Variants in XDH observed in about 807,000 individuals in gnomAD.
XDH encodes xanthine dehydrogenase/oxidase.
XDH carries 138 observed loss-of-function variants against 156.1 expected under a neutral mutation model. That is an observed-to-expected ratio of 0.88 (90% confidence interval 0.77 to 1.02). The LOEUF (loss-of-function observed/expected upper bound fraction) is 1.02, where lower values mean the gene tolerates loss of function less well. Among genes scored for constraint, XDH ranks in the 50% least tolerant of loss-of-function variants. The pLI, the probability that XDH is intolerant of heterozygous loss-of-function variation, is 0.00. For synonymous variants in XDH, 669 were observed against 625.7 expected (o/e 1.07, Z -1.03); for missense variants, 1,849 against 1,684.9 (o/e 1.10, Z -1.71).
At chr2:31,387,325 T>TG (rs1686638123) in intron 8 of XDH, among the ~76,000 whole-genome samples, 2 of 152,012 alleles carry the variant, frequency 1.3e-5, no homozygotes, top group African/African-American at 4.8e-5. Flanking sequence ...ATAAAGTGGG[T>TG]GTGAGGGGGT....
At chr2:31,375,614 A>T in intron 14 of XDH, 60 bp from the exon 15 acceptor site, 1 of 1,579,070 alleles carries the variant, frequency 6.3e-7, no homozygotes. Flanking sequence ...CCCTTTGTGT[A>T]GAGCTGTGTG....
At chr2:31,343,513 T>C (rs1685194539) in intron 31 of XDH, among the ~76,000 whole-genome samples, 1 of 108,966 alleles carries the variant, frequency 9.2e-6, no homozygotes, top group Non-Finnish European at 1.9e-5. Flanking sequence ...TATATATGTA[T>C]ATAAAGCATA....
At chr2:31,338,106 T>C (rs1283099239) in intron 34 of XDH, among the ~76,000 whole-genome samples, 4 of 152,256 alleles carry the variant, frequency 2.6e-5, no homozygotes, top group African/African-American at 9.6e-5. Flanking sequence ...CATTTAAAGT[T>C]ATACTCGGTA....
At chr2:31,373,845 A>C in intron 16 of XDH, 28 bp downstream of exon 16, 1 of 1,612,350 alleles carries the variant, frequency 6.2e-7, no homozygotes, top group Non-Finnish European at 8.5e-7. Context: ...AAGTCCCCTG[A>C]TATTAGCCAT....
In XDH at chr2:31,368,521, G is replaced by A. The variant is rs146531160; in HGVS notation, c.2100+20C>T. On this transcript the variant is annotated intron_variant, in intron 19 of 35. Transcript: ENST00000379416. ...GACGGGGAGCTCACTCCTCTACACA[G>A]GCAGCCCATTCTCAGTTACCTCAAT... The A allele has an allele frequency of 6.6e-7, 1 of 1,523,150 alleles. No homozygotes were observed. The highest frequency in any genetic ancestry group is 9.1e-7 in the Non-Finnish European group (1 of 1,103,584). 94.4% of individuals were successfully genotyped at this position (1,523,150 alleles called of 1,614,324 possible). A position where few individuals can be genotyped will look rare whatever the true frequency, so the allele number is the denominator to read the frequency against.
At position 31,357,757 on chromosome 2, in the gene XDH, T is replaced by G. The variant is rs1156340993; in HGVS notation, c.2631+6401A>C. 3.3e-5 allele frequency among the ~76,000 whole-genome samples: 5 copies of G among 152,068 alleles called. No individual in the cohort carries two copies. The East Asian group carries it at 9.6e-4, about 29-fold the overall frequency. Reference sequence around the variant, plus strand: ...AATGATAAATTCTTGAGGTGATAGATATTGACGTTACCCTGATTTGTTTAT... The same window carrying G: ...AATGATAAATTCTTGAGGTGATAGAGATTGACGTTACCCTGATTTGTTTAT... On this transcript the variant is annotated intron_variant, in intron 24 of 35. Transcript: ENST00000379416.
At chr2:31,344,891 C>T (rs941078678) in intron 30 of XDH, among the ~76,000 whole-genome samples, 155 bp from the exon 31 acceptor site, 3 of 152,140 alleles carry the variant, frequency 2.0e-5, no homozygotes, top group East Asian at 3.9e-4. Context: ...TTGTCACTGG[C>T]ACCACCTGCA....
In XDH at chr2:31,367,982, C is replaced by T. The variant is rs61731083; in HGVS notation, c.2176G>A (p.Glu726Lys). 46 of 1,614,166 alleles carry T rather than the reference C, an allele frequency of 2.8e-5. No homozygotes were observed. The African/African-American group carries it at 4.0e-4, about 14-fold the overall frequency. The change falls in exon 20 of 36, where the codon GAA (glutamate) becomes AAA (lysine). Residue 726 changes from glutamate (E) to lysine (K), a missense_variant. Physicochemically the swap from Glu to Lys is moderately conservative, Grantham distance 56. Transcript: ENST00000379416. ...EKGDLKKGFS[E>K]ADNVVSGEIY... ...CTACCTGACACAACATTATCTGCTT[C>T]GGAAAACCCCTTCTTTAGGTCCCCT... is the stretch of plus-strand genomic sequence containing the variant.
intron 1 of XDH, 128 bp downstream of exon 1, chr2:31,414,497 G>A (rs2273452): frequency 0.01 from 13,638 of 1,360,276 alleles, 154 homozygotes; most frequent in South Asian, 0.04. Flanking sequence ...CCTTTAAAGC[G>A]AGAGAGAGAA....
In XDH at chr2:31,375,431, G is replaced by A; in HGVS notation, c.1551C>T (p.Phe517=). The change falls in exon 15 of 36, where the codon TTC becomes TTT. Residue 517 remains phenylalanine, a synonymous_variant. Transcript: ENST00000379416. ...TCTGAAGGACTGTCAGGTAGAACTT[G>A]AAGAAGAAGCTGAGGGTGAGGGTGC... ...FRCTLTLSFF[F]KFYLTVLQKL... is the part of the protein sequence containing the mutation. 2 of 1,614,170 alleles carry A rather than the reference G, an allele frequency of 1.2e-6. No individual in the cohort carries two copies. The highest frequency in any genetic ancestry group is 1.7e-6 in the Non-Finnish European group (2 of 1,180,014).
intron 1 of XDH, among the ~76,000 whole-genome samples, chr2:31,413,335 C>G (rs878993652): frequency 1.2e-4 from 19 of 152,146 alleles, no homozygotes; most frequent in African/African-American, 4.6e-4. Flanking sequence ...GATGCAAAAT[C>G]TTACACTTGA....
intron 6 of XDH, among the ~76,000 whole-genome samples, chr2:31,390,930 A>ATT (rs796338510): frequency 2.2e-4 from 34 of 152,162 alleles, no homozygotes; most frequent in African/African-American, 7.9e-4. Flanking sequence ...TTTTGCAAAT[A>ATT]TTTTTCTCCC....
At chr2:31,376,904 GGTAGCAGTA>G in intron 14 of XDH, 140 bp downstream of exon 14, 1 of 1,000,644 alleles carries the variant, frequency 1.0e-6, no homozygotes, top group Non-Finnish European at 1.5e-6. Context: ...AAGTAGAAGT[GGTAGCAGTA>G]GTAGCAGCAG....
At chr2:31,339,821 G>C (rs1039584463) in intron 33 of XDH, 144 bp from the exon 34 acceptor site, 13 of 1,089,418 alleles carry the variant, frequency 1.2e-5, no homozygotes, top group Non-Finnish European at 1.8e-5. Context: ...CCTGGCTCCC[G>C]CCTCAGCCCT....
Position 31,383,660 on chromosome 2 carries a change from C to T in XDH, c.886+95G>A, listed in dbSNP as rs116756513. On this transcript the variant is annotated intron_variant, in intron 10 of 35. Coordinates refer to ENST00000379416, the MANE Select transcript of XDH (RefSeq NM_000379.4). ...CAGGAGAAGCAGGGGGCAGCCAGAG[C>T]CAGTGGGGAGACCACCCTGATACCT... 19 of 1,189,058 alleles carry T rather than the reference C, an allele frequency of 1.6e-5. No homozygotes were observed. In the African/African-American group the frequency reaches 2.9e-4, roughly 18 times the overall value. The allele number at this position is 1,189,058 out of a possible 1,614,324, so 73.7% of individuals were successfully genotyped here. A position where few individuals can be genotyped will look rare whatever the true frequency, so the allele number is the denominator to read the frequency against.
chr2:31,377,854 T>C (rs1250228626), intron 13 of XDH, among the ~76,000 whole-genome samples: 1 of 139,534 alleles, frequency 7.2e-6, no homozygotes, highest in East Asian at 2.1e-4. Flanking sequence ...GCCCTATCTC[T>C]ACAAAAAAAA....
chr2:31,365,591 G>A, intron 22 of XDH, 47 bp from the exon 23 acceptor site: 2 of 1,601,352 alleles, frequency 1.2e-6, no homozygotes, highest in Non-Finnish European at 1.7e-6. Context: ...TTCAACAGCA[G>A]CTCAGCCCTG....
At position 31,409,082 on chromosome 2, in the gene XDH, A is replaced by G. The variant is rs186934575; in HGVS notation, c.43-3118T>C. ...ATGTTCTCACTGATTTGTGGGAGCT[A>G]AAAATCAAAACAATTGAACTCATGG... On this transcript the variant is annotated intron_variant, in intron 1 of 35. Transcript: ENST00000379416. Among the ~76,000 whole-genome samples the G allele has an allele frequency of 9.2e-5, 14 of 152,306 alleles. No homozygotes were observed. The East Asian group carries it at 2.7e-3, about 29-fold the overall frequency.
At chr2:31,367,030 A>G (rs771889156) in intron 20 of XDH, 36 bp from the exon 21 acceptor site, 29 of 1,613,782 alleles carry the variant, frequency 1.8e-5, no homozygotes, top group Middle Eastern at 1.6e-4. Context: ...AGTGAGCCCA[A>G]TGCTGCAGAA....
Sources: gnomAD v4.1 joint callset for allele counts (sites outside exome capture counted in the v4.1 genomes callset) on GRCh38, gnomAD v4.1.1 for gene constraint, MANE v1.5 for transcripts, NCBI Gene and HGNC (gene_info 2026-07-23, HGNC 2026-07-21) for gene names.